The following AKAP9 variants were observed in gnomAD, a reference collection of about 807,000 sequenced individuals.
AKAP9 encodes the protein A-kinase anchoring protein 9.
AKAP9 carries 311 observed loss-of-function variants against 488.5 expected under a neutral mutation model. The observed-to-expected ratio is 0.64, with a 90% CI of 0.58 to 0.70. The LOEUF (loss-of-function observed/expected upper bound fraction) is 0.70, where lower values mean the gene tolerates loss of function less well. Ranked by LOEUF, AKAP9 falls within the 30% of genes least tolerant of loss-of-function variation. The pLI, the probability that AKAP9 is intolerant of heterozygous loss-of-function variation, is 0.00. For missense variants in AKAP9, 4,215 were observed against 4,374.5 expected, an observed-to-expected ratio of 0.96 and a Z score of 1.03; for synonymous variants, 1,462 against 1,483.5, an observed-to-expected ratio of 0.99 and a Z score of 0.33.
chr7:91,993,140 G>C (rs1797973859), intron 5 of AKAP9, 85 bp downstream of exon 5: 1 of 1,463,828 alleles, frequency 6.8e-7, no homozygotes, highest in South Asian at 1.3e-5. Flanking sequence ...TTAAAGATGG[G>C]GTTTTTAAAA....
intron 45 of AKAP9, 140 bp from the exon 46 acceptor site, chr7:92,102,454 C>CTACTACTAT (rs1817706642): frequency 5.6e-6 from 1 of 177,770 alleles, no homozygotes; most frequent in Non-Finnish European, 9.7e-6. Flanking sequence ...ACTATTACTA[C>CTACTACTAT]TACTACTACT....
At chr7:92,061,205 A>G in intron 22 of AKAP9, 55 bp from the exon 23 acceptor site, 1 of 1,592,016 alleles carries the variant, frequency 6.3e-7, no homozygotes, top group Non-Finnish European at 8.6e-7. Flanking sequence ...TAGGGAATGA[A>G]ACTAGTATTT....
intron 1 of AKAP9, among the ~76,000 whole-genome samples, chr7:91,947,094 CTA>C (rs1007203706): frequency 3.3e-5 from 5 of 151,820 alleles, no homozygotes; most frequent in Admixed American, 3.3e-4. Context: ...CATTTAAAAA[CTA>C]TAATTTGGAA....
intron 5 of AKAP9, 115 bp downstream of exon 5, chr7:91,993,170 T>G: frequency 9.2e-7 from 1 of 1,087,468 alleles, no homozygotes. Flanking sequence ...AACTTTTTTC[T>G]TTTCTTTTCT....
intron 27 of AKAP9, 103 bp from the exon 28 acceptor site, chr7:92,070,802 T>C: frequency 1.5e-6 from 1 of 649,114 alleles, no homozygotes; most frequent in Non-Finnish European, 2.4e-6. Context: ...GGATTGCTGC[T>C]TCTCAAAAAA....
At chr7:92,086,203 A>G (rs1814528636) in intron 36 of AKAP9, 25 bp from the exon 37 acceptor site, 3 of 1,583,628 alleles carry the variant, frequency 1.9e-6, no homozygotes, top group Non-Finnish European at 2.6e-6. Context: ...TTGAAAACTA[A>G]CTATCGTTAT....
chr7:91,952,326 G>C (rs1792361453), intron 1 of AKAP9, among the ~76,000 whole-genome samples: 1 of 152,204 alleles, frequency 6.6e-6, no homozygotes, highest in Admixed American at 6.5e-5. Flanking sequence ...ACTTTGCTAA[G>C]ATGATAGGAT....
chr7:92,096,282 T>C (rs1232302895), intron 40 of AKAP9, among the ~76,000 whole-genome samples: 2 of 151,888 alleles, frequency 1.3e-5, no homozygotes, highest in African/African-American at 4.8e-5. Context: ...ATAAAGATAC[T>C]ACCAACATAG....
At chr7:92,076,441 T>C (rs1330576567) in intron 28 of AKAP9, among the ~76,000 whole-genome samples, 3 of 152,238 alleles carry the variant, frequency 2.0e-5, no homozygotes, top group African/African-American at 7.2e-5. Flanking sequence ...TAAATTGAGT[T>C]AGTCTTATAT....
intron 15 of AKAP9, among the ~76,000 whole-genome samples, chr7:92,030,270 T>C (rs1803999942): frequency 6.6e-6 from 1 of 152,248 alleles, no homozygotes; most frequent in Non-Finnish European, 1.5e-5. Flanking sequence ...ATGTGGGCTA[T>C]GTACAAATTA....
At chr7:92,089,913 C>A in intron 38 of AKAP9, 2 of 175,220 alleles carry the variant, frequency 1.1e-5, no homozygotes, top group Non-Finnish European at 2.4e-5. Flanking sequence ...AAATTGTGAG[C>A]CATAACATAC....
intron 3 of AKAP9, among the ~76,000 whole-genome samples, chr7:91,991,686 T>C (rs964842490): frequency 5.9e-5 from 9 of 152,068 alleles, no homozygotes; most frequent in African/African-American, 2.2e-4. Context: ...TTAGCCAGGA[T>C]GGTCTCGATC....
intron 5 of AKAP9, among the ~76,000 whole-genome samples, chr7:91,993,354 A>C (rs1247026564): frequency 6.6e-6 from 1 of 151,912 alleles, no homozygotes; most frequent in East Asian, 1.9e-4. Context: ...ACACCCAGCT[A>C]ATTTTTTGTA....
intron 31 of AKAP9, 98 bp from the exon 32 acceptor site, chr7:92,082,424 G>A (rs1813740751): frequency 1.5e-6 from 2 of 1,338,720 alleles, no homozygotes; most frequent in Admixed American, 1.8e-5. Context: ...TCTGTAGGCA[G>A]TCATTCCTTG....
At chr7:91,999,398 T>C (rs1211787326) in intron 7 of AKAP9, among the ~76,000 whole-genome samples, 2 of 152,106 alleles carry the variant, frequency 1.3e-5, no homozygotes, top group South Asian at 4.1e-4. Flanking sequence ...GCTAGTTTTT[T>C]TATTTTTAGT....
chr7:92,050,818 T>G (rs1002870378), intron 21 of AKAP9, among the ~76,000 whole-genome samples: 1 of 152,120 alleles, frequency 6.6e-6, no homozygotes, highest in Non-Finnish European at 1.5e-5. Context: ...GACTAATCAT[T>G]TTTCATCCCT....
intron 5 of AKAP9, 43 bp downstream of exon 5, chr7:91,993,098 A>G: frequency 6.2e-7 from 1 of 1,609,844 alleles, no homozygotes; most frequent in Non-Finnish European, 8.5e-7. Flanking sequence ...ACTCACAAAA[A>G]CAAAAACAGG....
chr7:92,040,646 G>GTTTTTTTT (rs71292989), intron 17 of AKAP9, 28 bp from the exon 18 acceptor site: 8 of 1,118,956 alleles, frequency 7.1e-6, no homozygotes, highest in South Asian at 1.5e-5. Context: ...TGGTTGAATT[G>GTTTTTTTT]TTTTTTTTTT....
intron 20 of AKAP9, among the ~76,000 whole-genome samples, chr7:92,043,844 G>A (rs1584290727): frequency 6.6e-6 from 1 of 152,140 alleles, no homozygotes; most frequent in East Asian, 1.9e-4. Context: ...TTTTTGGCAA[G>A]CTCCTACAGT....
Sources: allele counts gnomAD v4.1 joint callset (sites outside exome capture counted in the v4.1 genomes callset), GRCh38; gene constraint gnomAD v4.1.1; transcripts MANE v1.5; gene names NCBI Gene and HGNC (gene_info 2026-07-23, HGNC 2026-07-21).